NALF1: variants seen among roughly 807,000 people sequenced by gnomAD.
NALF1 encodes family with sequence similarity 155 member A.
Under a neutral mutation model 48.4 loss-of-function variants are expected in NALF1, and 3 were observed. The ratio of observed to expected loss-of-function variants is 0.06; its 90% CI spans 0.03 to 0.16. The LOEUF (loss-of-function observed/expected upper bound fraction) is 0.16. Ranked by LOEUF, NALF1 falls within the 10% of genes least tolerant of loss-of-function variation. The pLI, the probability that NALF1 is intolerant of heterozygous loss-of-function variation, is 1.00. For synonymous variants in NALF1, 262 were observed against 245.7 expected, an observed-to-expected ratio of 1.07 and a Z score of -0.62; for missense variants, 526 against 571.5, an observed-to-expected ratio of 0.92 and a Z score of 0.81.
chr13:107,683,017 C>T (rs1435910337), intron 1 of NALF1, among the ~76,000 whole-genome samples: 1 of 152,128 alleles, frequency 6.6e-6, no homozygotes, highest in East Asian at 1.9e-4. Context: ...AATCCCAGCA[C>T]TTTGGGAGGC....
chr13:107,345,887 C>A (rs188450558), intron 1 of NALF1, among the ~76,000 whole-genome samples: 2 of 152,088 alleles, frequency 1.3e-5, no homozygotes, highest in African/African-American at 4.8e-5. Context: ...ACAAAAAGAT[C>A]TTGCAACTCA....
chr13:107,723,024 A>G (rs1026219233), intron 1 of NALF1, among the ~76,000 whole-genome samples: 15 of 152,348 alleles, frequency 9.8e-5, no homozygotes, highest in Admixed American at 7.8e-4. Context: ...AACTGAAAAA[A>G]TATCTTAAAA....
chr13:107,225,439 G>C (rs1363883847), intron 1 of NALF1, among the ~76,000 whole-genome samples: 2 of 152,126 alleles, frequency 1.3e-5, no homozygotes, highest in African/African-American at 4.8e-5. Context: ...ACCATGCCTA[G>C]CTAATTTTTA....
intron 1 of NALF1, among the ~76,000 whole-genome samples, chr13:107,787,715 G>C (rs1330306171): frequency 1.3e-5 from 2 of 152,096 alleles, no homozygotes; most frequent in Non-Finnish European, 2.9e-5. Flanking sequence ...ATTACTACCA[G>C]TATAAAACCT....
intron 1 of NALF1, among the ~76,000 whole-genome samples, chr13:107,273,327 T>C (rs1566471230): frequency 6.6e-6 from 1 of 152,208 alleles, no homozygotes; most frequent in Non-Finnish European, 1.5e-5. Context: ...GGTTTACCTG[T>C]TCTTTTGGGG....
chr13:107,501,314 G>T (rs888050671), intron 1 of NALF1, among the ~76,000 whole-genome samples: 1 of 152,050 alleles, frequency 6.6e-6, no homozygotes, highest in Non-Finnish European at 1.5e-5. Context: ...CAGCGTGGGG[G>T]ATCATATTTC....
intron 1 of NALF1, among the ~76,000 whole-genome samples, chr13:107,783,031 C>A (rs1336537555): frequency 6.8e-6 from 1 of 146,250 alleles, no homozygotes; most frequent in African/African-American, 2.6e-5. Context: ...GTCAGCCCCC[C>A]GCCCGGCCAG....
intron 1 of NALF1, among the ~76,000 whole-genome samples, chr13:107,281,997 G>T (rs1008881214): frequency 8.5e-5 from 13 of 152,194 alleles, no homozygotes; most frequent in African/African-American, 3.1e-4. Context: ...ATGAGATTTT[G>T]GATGGGGACC....
intron 1 of NALF1, among the ~76,000 whole-genome samples, chr13:107,590,911 C>T (rs540051572): frequency 6.6e-6 from 1 of 151,966 alleles, no homozygotes; most frequent in Non-Finnish European, 1.5e-5. Flanking sequence ...AATCCCCCTA[C>T]ATTAGCTGTA....
chr13:107,671,298 A>T (rs1257956558), intron 1 of NALF1, among the ~76,000 whole-genome samples: 1 of 152,164 alleles, frequency 6.6e-6, no homozygotes, highest in Non-Finnish European at 1.5e-5. Flanking sequence ...TACAGATGAT[A>T]AAAACAGAAA....
At chr13:107,647,591 CT>C (rs1346065517) in intron 1 of NALF1, among the ~76,000 whole-genome samples, 2 of 151,850 alleles carry the variant, frequency 1.3e-5, no homozygotes, top group Middle Eastern at 3.2e-3. Context: ...AATTAATAAA[CT>C]TTTGTATTAA....
chr13:107,512,755 A>T (rs1388555549), intron 1 of NALF1, among the ~76,000 whole-genome samples: 1 of 152,128 alleles, frequency 6.6e-6, no homozygotes, highest in Non-Finnish European at 1.5e-5. Flanking sequence ...ATTGTCATGG[A>T]AAGGGGTGGT....
At chr13:107,253,582 T>C (rs1163841993) in intron 1 of NALF1, among the ~76,000 whole-genome samples, 5 of 152,182 alleles carry the variant, frequency 3.3e-5, no homozygotes, top group Non-Finnish European at 7.3e-5. Context: ...TTCTGAAAGA[T>C]TAATTCTATA....
At chr13:107,531,444 C>T (rs771480028) in intron 1 of NALF1, among the ~76,000 whole-genome samples, 4 of 151,996 alleles carry the variant, frequency 2.6e-5, no homozygotes, top group East Asian at 3.9e-4. Context: ...CCCCAGAAGC[C>T]GAGCAGATGC....
chr13:107,237,654 G>GT (rs1368966332), intron 1 of NALF1, among the ~76,000 whole-genome samples: 10 of 152,124 alleles, frequency 6.6e-5, no homozygotes, highest in Non-Finnish European at 1.3e-4. Flanking sequence ...AAAAATGCCT[G>GT]TACATGTTCA....
intron 1 of NALF1, among the ~76,000 whole-genome samples, chr13:107,250,174 T>C (rs1389292282): frequency 6.6e-6 from 1 of 151,744 alleles, no homozygotes; most frequent in Non-Finnish European, 1.5e-5. Context: ...TCTTCACCAC[T>C]ACTGGGGCTC....
intron 1 of NALF1, among the ~76,000 whole-genome samples, chr13:107,282,715 C>G (rs556994465): frequency 2.0e-5 from 3 of 152,328 alleles, no homozygotes; most frequent in Middle Eastern, 3.4e-3. Context: ...CAACAGCCAG[C>G]ACTAACTTGC....
intron 1 of NALF1, among the ~76,000 whole-genome samples, chr13:107,783,435 G>A (rs999744826): frequency 6.6e-6 from 1 of 152,192 alleles, no homozygotes; most frequent in South Asian, 2.1e-4. Flanking sequence ...GGAAAGGCAG[G>A]GAAAGGATTG....
At chr13:107,226,524 G>C (rs1054646746) in intron 1 of NALF1, among the ~76,000 whole-genome samples, 1 of 152,152 alleles carries the variant, frequency 6.6e-6, no homozygotes, top group South Asian at 2.1e-4. Context: ...GGAACAAAAT[G>C]AGTACATGAC....
Sources: gnomAD v4.1 joint callset for allele counts (sites outside exome capture counted in the v4.1 genomes callset) on GRCh38, gnomAD v4.1.1 for gene constraint, MANE v1.5 for transcripts, NCBI Gene and HGNC (gene_info 2026-07-23, HGNC 2026-07-21) for gene names.